Variants in PUS7 observed in about 807,000 individuals in gnomAD.
PUS7 encodes the protein pseudouridylate synthase 7 homolog.
In PUS7, 48 loss-of-function variants were observed where a neutral mutation model predicts 79.8. The observed-to-expected ratio is 0.60, with a 90% CI of 0.48 to 0.76. The LOEUF (loss-of-function observed/expected upper bound fraction) is 0.76, where lower values mean the gene tolerates loss of function less well. PUS7 is among the 30% of genes least tolerant of loss of function. PUS7 has a pLI of 0.00. For synonymous variants in PUS7, 286 were observed against 272.2 expected, an observed-to-expected ratio of 1.05 and a Z score of -0.50; for missense variants, 729 against 797.6, an observed-to-expected ratio of 0.91 and a Z score of 1.04.
At chr7:105,496,237 A>AGG (rs1825026253) in intron 5 of PUS7, among the ~76,000 whole-genome samples, 1 of 36,820 alleles carries the variant, frequency 2.7e-5, no homozygotes, top group Admixed American at 3.7e-4. Flanking sequence ...AGAGAGAGAG[A>AGG]GAGAGAGAGA....
chr7:105,512,383 C>G (rs1209930150), intron 1 of PUS7, among the ~76,000 whole-genome samples: 2 of 152,134 alleles, frequency 1.3e-5, no homozygotes, highest in African/African-American at 2.4e-5. Context: ...CAAAACTACC[C>G]TCAGAGGTTT....
intron 1 of PUS7, among the ~76,000 whole-genome samples, chr7:105,510,095 GTT>G (rs1825646028): frequency 6.6e-6 from 1 of 152,164 alleles, no homozygotes; most frequent in African/African-American, 2.4e-5. Flanking sequence ...GAGGTCGGGA[GTT>G]TGAGACCAGC....
In PUS7 at chr7:105,482,447, A is replaced by C. The variant is rs754797243; in HGVS notation, c.921-7T>G. 3.5e-5 allele frequency: 47 copies of C among 1,350,622 alleles called. No individual in the cohort carries two copies. The South Asian group carries it at 5.9e-4, about 17-fold the overall frequency. The allele number at this position is 1,350,622 out of a possible 1,614,324, so 83.7% of individuals were successfully genotyped here. On this transcript the variant is annotated splice_region_variant and splice_polypyrimidine_tract_variant and intron_variant, in intron 7 of 15. Transcript: ENST00000469408. Reference sequence around the variant, plus strand: ...AAGTCTTTGTGCAGTTATTCTTTAAAAAAAAAAAAAAAAGCAACAAAACAA... The same window carrying C: ...AAGTCTTTGTGCAGTTATTCTTTAACAAAAAAAAAAAAAGCAACAAAACAA...
chr7:105,497,106 T>A (rs1264706204), intron 5 of PUS7: 2 of 473,626 alleles, frequency 4.2e-6, no homozygotes, highest in African/African-American at 4.2e-5. Flanking sequence ...CCGGTAGTTA[T>A]GCGGTGGGTT....
intron 1 of PUS7, among the ~76,000 whole-genome samples, chr7:105,515,854 G>A (rs1825875741): frequency 6.7e-6 from 1 of 149,528 alleles, no homozygotes; most frequent in Admixed American, 6.7e-5. Context: ...CTGTTGCCCA[G>A]GCTGGAGTGC....
rs1028637063 is a variant in PUS7 at position 105,522,240 on chromosome 7, C to G, written c.-221G>C. 7 of 151,810 alleles carry G rather than the reference C, an allele frequency of 4.6e-5. No homozygotes were observed. Among genetic ancestry groups the G allele is most frequent in the African/African-American group, 1.7e-4 (7 of 41,492 alleles). The allele number at this position is 151,810 out of a possible 1,614,324, so 9.4% of individuals were successfully genotyped here. The stretch of plus-strand genomic sequence containing the variant: ...ACTCACCGGCGGCCGGGCTCGCACA[C>G]GTGCGGCGCAGCGACGCGCCGCGGC... On this transcript the variant is annotated 5_prime_UTR_variant, in exon 1 of 16. Coordinates refer to ENST00000469408, the MANE Select transcript of PUS7 (RefSeq NM_019042.5).
At chr7:105,518,097 G>T (rs1262776168) in intron 1 of PUS7, among the ~76,000 whole-genome samples, 1 of 150,614 alleles carries the variant, frequency 6.6e-6, no homozygotes, top group Non-Finnish European at 1.5e-5. Flanking sequence ...GCAGTGAGCC[G>T]AGATTGCGCC....
At chr7:105,464,947 T>C (rs1823578174) in intron 13 of PUS7, among the ~76,000 whole-genome samples, 1 of 151,498 alleles carries the variant, frequency 6.6e-6, no homozygotes, top group African/African-American at 2.4e-5. Context: ...GCCTCCCAAG[T>C]AGCTGGAACC....
chr7:105,514,184 T>C (rs531423445), intron 1 of PUS7, among the ~76,000 whole-genome samples: 8 of 135,372 alleles, frequency 5.9e-5, no homozygotes, highest in Middle Eastern at 3.9e-3. Context: ...TGAGCCGAGA[T>C]TGTGCCACTG....
chr7:105,490,935 T>C (rs572317067), intron 7 of PUS7, among the ~76,000 whole-genome samples: 29 of 152,244 alleles, frequency 1.9e-4, no homozygotes, highest in African/African-American at 6.7e-4. Flanking sequence ...CTGCAAAACA[T>C]CCTGCAACGC....
In PUS7 at chr7:105,470,579, T is replaced by G. The variant is rs112691205; in HGVS notation, c.1398+109A>C. The G allele has an allele frequency of 6.7e-4, 863 of 1,281,496 alleles. 3 individuals carry two copies. In the African/African-American group the frequency reaches 0.012, roughly 18 times the overall value. The allele number at this position is 1,281,496 out of a possible 1,614,324, so 79.4% of individuals were successfully genotyped here. A position where few individuals can be genotyped will look rare whatever the true frequency, so the allele number is the denominator to read the frequency against. On this transcript the variant is annotated intron_variant, in intron 11 of 15. Transcript: ENST00000469408. The stretch of plus-strand genomic sequence containing the variant: ...AAACACCTCAGAGATCACCAAAGGA[T>G]CCTTATTTACCTTCTGCTCTTTCAA...
At chr7:105,459,031 A>G in intron 15 of PUS7, 137 bp downstream of exon 15, 1 of 492,538 alleles carries the variant, frequency 2.0e-6, no homozygotes, top group Non-Finnish European at 3.6e-6. Context: ...ATAATTGTGA[A>G]AGTAAGGTCA....
intron 13 of PUS7, among the ~76,000 whole-genome samples, chr7:105,463,362 T>C (rs570313230): frequency 6.6e-6 from 1 of 152,354 alleles, no homozygotes; most frequent in African/African-American, 2.4e-5. Flanking sequence ...CACAGTGGAT[T>C]AACTGTCTTC....
chr7:105,502,957 T>A (rs1825314671), intron 4 of PUS7, among the ~76,000 whole-genome samples: 1 of 152,070 alleles, frequency 6.6e-6, no homozygotes, highest in African/African-American at 2.4e-5. Flanking sequence ...GCCTTGGCCT[T>A]CCAAAGTGCT....
rs1463508880 is a variant in PUS7, at chr7:105,465,372, G to C, written c.1568C>G (p.Ser523Cys). 1.9e-6 allele frequency: 3 copies of C among 1,613,546 alleles called. No homozygotes were observed. The highest frequency in any genetic ancestry group is 2.5e-6 in the Non-Finnish European group (3 of 1,179,658). ...CAAGGGCATTACCACATCATGGATA[G>C]AGTAATTATTAACATCATCTTCCTC... ...YIEEDDVNNY[S>C]IHDVVMPLPG... is the part of the protein sequence containing the mutation. The change falls in exon 13 of 16, where the codon TCT (serine) becomes TGT (cysteine). Residue 523 changes from serine (S) to cysteine (C), a missense_variant. Transcript: ENST00000469408.
chr7:105,522,189 G>C lies in PUS7; in HGVS notation c.-170C>G, dbSNP rs1237788026. 1.3e-5 allele frequency: 2 copies of C among 152,124 alleles called. No individual in the cohort carries two copies. Among genetic ancestry groups the C allele is most frequent in the East Asian group, 3.9e-4 (2 of 5,176 alleles). The allele number at this position is 152,124 out of a possible 1,614,324, so 9.4% of individuals were successfully genotyped here. On this transcript the variant is annotated 5_prime_UTR_variant, in exon 1 of 16. Coordinates refer to ENST00000469408, the MANE Select transcript of PUS7 (RefSeq NM_019042.5). ...GCCAGGCAAAAGCAGCGCTTTCCGC[G>C]CGGAGGACCAGATGCGCTCCAGCCG... is the stretch of plus-strand genomic sequence containing the variant.
chr7:105,473,170 A>G (rs1277779338), intron 9 of PUS7, among the ~76,000 whole-genome samples: 3 of 151,712 alleles, frequency 2.0e-5, no homozygotes, highest in Non-Finnish European at 4.4e-5. Flanking sequence ...AGGCAAATAG[A>G]ATAAATACGA....
intron 1 of PUS7, among the ~76,000 whole-genome samples, chr7:105,515,308 TC>T (rs1250404309): frequency 6.6e-6 from 1 of 152,208 alleles, no homozygotes; most frequent in African/African-American, 2.4e-5. Context: ...TGCTAAAAAC[TC>T]CTGTCTCTGC....
At chr7:105,485,469 C>T (rs937660211) in intron 7 of PUS7, among the ~76,000 whole-genome samples, 2 of 152,246 alleles carry the variant, frequency 1.3e-5, no homozygotes, top group African/African-American at 4.8e-5. Flanking sequence ...CCTAGCCTCC[C>T]AAAGTGCTGG....
Sources: allele counts gnomAD v4.1 joint callset (sites outside exome capture counted in the v4.1 genomes callset), GRCh38; gene constraint gnomAD v4.1.1; transcripts MANE v1.5; gene names NCBI Gene and HGNC (gene_info 2026-07-23, HGNC 2026-07-21).